Variants in DCDC1 observed in about 807,000 individuals in gnomAD.
DCDC1 encodes doublecortin domain-containing protein 1.
In DCDC1, 200 loss-of-function variants were observed where a neutral mutation model predicts 178.3. The ratio of observed to expected loss-of-function variants is 1.12; its 90% confidence interval spans 1.00 to 1.26. The LOEUF (loss-of-function observed/expected upper bound fraction) is 1.26. DCDC1 is among the 50% of genes most tolerant of loss of function. The probability of loss-of-function intolerance (pLI) is 0.00; values close to 1 mark genes in which losing one functional copy is unlikely to be tolerated. For missense variants in DCDC1, 1,983 were observed against 1,749.2 expected (o/e 1.13, Z -2.38); for synonymous variants, 690 against 604.8 (o/e 1.14, Z -2.07).
intron 21 of DCDC1, among the ~76,000 whole-genome samples, chr11:30,933,692 T>C (rs1408906287): frequency 6.6e-6 from 1 of 152,210 alleles, no homozygotes; most frequent in Non-Finnish European, 1.5e-5. Flanking sequence ...TATTGCTTCT[T>C]GTGAGAAACA....
rs1401178735 is a variant in DCDC1 at position 31,120,641 on chromosome 11, A to G, written c.1485+6828T>C. Among the ~76,000 whole-genome samples, 8 of 152,088 alleles carry G rather than the reference A, an allele frequency of 5.3e-5. No individual in the cohort carries two copies. The South Asian group carries it at 1.2e-3, about 24-fold the overall frequency. On this transcript the variant is annotated intron_variant, in intron 11 of 38. Coordinates refer to ENST00000684477, the MANE Select transcript of DCDC1 (RefSeq NM_001387274.1). ...CTCTACTGGCAGCAAATAGAAAACAACTCTCAGAGCATCACTGACCAATTG... is the reference window on the plus strand; with the variant it reads ...CTCTACTGGCAGCAAATAGAAAACAGCTCTCAGAGCATCACTGACCAATTG...
At chr11:31,281,136 T>C (rs1329137426) in intron 7 of DCDC1, 1 of 348,644 alleles carries the variant, frequency 2.9e-6, no homozygotes, top group African/African-American at 2.1e-5. Flanking sequence ...TCCTTAGTTC[T>C]ACTAGCTTTT....
chr11:31,190,356 C>T (rs948658804), intron 9 of DCDC1, among the ~76,000 whole-genome samples: 1 of 152,094 alleles, frequency 6.6e-6, no homozygotes, highest in Non-Finnish European at 1.5e-5. Flanking sequence ...AATTTGAACT[C>T]AGATGCAACA....
At chr11:30,890,069 G>T (rs1449274155) in intron 36 of DCDC1, among the ~76,000 whole-genome samples, 1 of 152,190 alleles carries the variant, frequency 6.6e-6, no homozygotes, top group African/African-American at 2.4e-5. Context: ...AACACAGCAA[G>T]AAGGTGGCTG....
rs554040399 is a variant in DCDC1 at position 31,300,695 on chromosome 11, A to C, written c.754+4920T>G. On this transcript the variant is annotated intron_variant, in intron 6 of 38. Coordinates refer to ENST00000684477, the MANE Select transcript of DCDC1 (RefSeq NM_001387274.1). ...CAAACCACTCTGAAAGAATAACTAT[A>C]GAATATATAAATGAATTCTCAGGTA... 3.9e-5 allele frequency among the ~76,000 whole-genome samples: 6 copies of C among 152,270 alleles called. No individual in the cohort carries two copies. In the East Asian group the frequency reaches 7.7e-4, roughly 20 times the overall value.
intron 24 of DCDC1, among the ~76,000 whole-genome samples, chr11:30,921,342 T>A (rs1946236838): frequency 6.6e-6 from 1 of 152,234 alleles, no homozygotes; most frequent in Non-Finnish European, 1.5e-5. Flanking sequence ...GGGCAATGTT[T>A]TAAATTATAC....
At chr11:31,271,341 C>CTCTCTCATGTATATTCATGTACTGCT (rs2137167343) in intron 7 of DCDC1, among the ~76,000 whole-genome samples, 1 of 152,264 alleles carries the variant, frequency 6.6e-6, no homozygotes, top group South Asian at 2.1e-4. Context: ...ATCATTTCTT[C>CTCTCTCATGTATATTCATGTACTGCT]TCTCTCATGT....
chr11:31,245,092 T>C (rs1381192020), intron 8 of DCDC1, among the ~76,000 whole-genome samples: 1 of 151,652 alleles, frequency 6.6e-6, no homozygotes, highest in African/African-American at 2.4e-5. Flanking sequence ...TATATTCTTG[T>C]CCTTCAAGGC....
At chr11:31,018,820 C>T (rs1048678608) in intron 20 of DCDC1, among the ~76,000 whole-genome samples, 6 of 151,850 alleles carry the variant, frequency 4.0e-5, no homozygotes, top group African/African-American at 1.5e-4. Flanking sequence ...CAGAGGGGAT[C>T]AAAAAATGGA....
intron 15 of DCDC1, 79 bp downstream of exon 15, chr11:31,102,098 T>G: frequency 4.1e-6 from 2 of 488,316 alleles, no homozygotes; most frequent in Non-Finnish European, 7.5e-6. Context: ...AAAAAAACTG[T>G]CACAAATATT....
intron 11 of DCDC1, among the ~76,000 whole-genome samples, chr11:31,118,442 C>G (rs998443653): frequency 1.3e-5 from 2 of 152,078 alleles, no homozygotes; most frequent in East Asian, 3.9e-4. Context: ...TTTTCACTTA[C>G]GAGAAAATCT....
At chr11:31,138,698 T>C (rs926455783) in intron 9 of DCDC1, among the ~76,000 whole-genome samples, 13 of 152,346 alleles carry the variant, frequency 8.5e-5, no homozygotes, top group South Asian at 8.3e-4. Context: ...GCTTTCTCAA[T>C]TGTATGCCTG....
At chr11:31,020,602 T>A (rs992317788) in intron 20 of DCDC1, among the ~76,000 whole-genome samples, 3 of 152,130 alleles carry the variant, frequency 2.0e-5, no homozygotes, top group African/African-American at 7.2e-5. Flanking sequence ...TATAATTTTT[T>A]AAAATTTTAT....
At chr11:31,253,925 G>A (rs1406139490) in intron 8 of DCDC1, among the ~76,000 whole-genome samples, 3 of 152,160 alleles carry the variant, frequency 2.0e-5, no homozygotes, top group Non-Finnish European at 2.9e-5. Context: ...CTTCCCCGTG[G>A]AAGGGCCAGA....
intron 18 of DCDC1, among the ~76,000 whole-genome samples, chr11:31,075,279 G>C (rs745957594): frequency 6.6e-6 from 1 of 151,820 alleles, no homozygotes; most frequent in Non-Finnish European, 1.5e-5. Context: ...ACATTTTCTT[G>C]TCTATTTGTT....
At chr11:31,263,524 T>C (rs1323979642) in intron 8 of DCDC1, among the ~76,000 whole-genome samples, 2 of 152,166 alleles carry the variant, frequency 1.3e-5, no homozygotes, top group African/African-American at 2.4e-5. Flanking sequence ...TAAAAACATG[T>C]AATAAAATGA....
intron 8 of DCDC1, among the ~76,000 whole-genome samples, chr11:31,255,225 T>G (rs1944332875): frequency 6.6e-6 from 1 of 152,230 alleles, no homozygotes; most frequent in African/African-American, 2.4e-5. Context: ...AACATTTGGC[T>G]TTTGGCTATT....
intron 20 of DCDC1, among the ~76,000 whole-genome samples, chr11:31,011,261 TATTTAA>T (rs1952151073): frequency 2.0e-5 from 3 of 152,186 alleles, no homozygotes; most frequent in Non-Finnish European, 4.4e-5. Context: ...AACTTCAAAG[TATTTAA>T]AAGACATTTA....
chr11:30,906,798 C>T, intron 29 of DCDC1, 73 bp from the exon 30 acceptor site: 1 of 1,342,320 alleles, frequency 7.4e-7, no homozygotes, highest in Non-Finnish European at 9.9e-7. Flanking sequence ...GAACATTTTA[C>T]AATATAAATA....
Sources: allele counts gnomAD v4.1 joint callset (sites outside exome capture counted in the v4.1 genomes callset), GRCh38; gene constraint gnomAD v4.1.1; transcripts MANE v1.5; gene names NCBI Gene and HGNC (gene_info 2026-07-23, HGNC 2026-07-21).